Variants in RAB1B observed in about 807,000 individuals in gnomAD.
RAB1B encodes ras-related protein Rab-1B.
RAB1B carries 10 observed loss-of-function variants against 24.8 expected under a neutral mutation model. The observed-to-expected ratio is 0.40, with a 90% CI of 0.25 to 0.68. RAB1B has a LOEUF of 0.68. Among genes scored for constraint, RAB1B ranks in the 30% least tolerant of loss-of-function variants. The pLI, the probability that RAB1B is intolerant of heterozygous loss-of-function variation, is 0.37. For missense variants in RAB1B, 154 were observed against 271.2 expected (o/e 0.57, Z 3.04); for synonymous variants, 99 against 111.7 (o/e 0.89, Z 0.72).
chr11:66,275,124 A>C (rs1040633878), intron 4 of RAB1B, among the ~76,000 whole-genome samples: 1 of 152,164 alleles, frequency 6.6e-6, no homozygotes, highest in Non-Finnish European at 1.5e-5. Flanking sequence ...GGAACATGGC[A>C]AGAGGTCTAA....
Position 66,276,515 on chromosome 11 carries a change from A to C in RAB1B, c.*277A>C. The C allele has an allele frequency of 2.4e-6, 1 of 418,782 alleles. No individual in the cohort carries two copies. Among genetic ancestry groups the C allele is most frequent in the Non-Finnish European group, 4.2e-6 (1 of 236,328 alleles). The allele number at this position is 418,782 out of a possible 1,614,324, so 25.9% of individuals were successfully genotyped here. A position where few individuals can be genotyped will look rare whatever the true frequency, so the allele number is the denominator to read the frequency against. ...GACTTTCCAAGATGCCCCCCTACAC[A>C]CCTTTCTTTGGAACGAGGGCTCTTC... On this transcript the variant is annotated 3_prime_UTR_variant, in exon 6 of 6. Coordinates refer to ENST00000311481, the MANE Select transcript of RAB1B (RefSeq NM_030981.3).
intron 1 of RAB1B, 83 bp downstream of exon 1, chr11:66,268,776 G>A: frequency 7.3e-7 from 1 of 1,374,962 alleles, no homozygotes. Flanking sequence ...GTCTGGCCCG[G>A]GTCAGGACTG....
intron 1 of RAB1B, chr11:66,269,742 T>C (rs1337256872): frequency 6.6e-6 from 1 of 152,258 alleles, no homozygotes; most frequent in African/African-American, 2.4e-5. Flanking sequence ...GGTTTCCTCA[T>C]TAGTTGACAA....
chr11:66,275,508 G>T (rs189422661), intron 4 of RAB1B, among the ~76,000 whole-genome samples: 23 of 152,292 alleles, frequency 1.5e-4, no homozygotes, highest in Admixed American at 4.6e-4. Flanking sequence ...GGGCCTGCAA[G>T]TGTCTCAGGG....
chr11:66,274,905 C>T (rs1857117555), intron 4 of RAB1B, among the ~76,000 whole-genome samples: 1 of 151,986 alleles, frequency 6.6e-6, no homozygotes, highest in South Asian at 2.1e-4. Context: ...CTCTCCTGCA[C>T]AAGGCCAGTT....
intron 4 of RAB1B, among the ~76,000 whole-genome samples, chr11:66,274,967 C>G (rs1857118504): frequency 6.6e-6 from 1 of 151,954 alleles, no homozygotes; most frequent in Non-Finnish European, 1.5e-5. Context: ...CAGAGGTGGT[C>G]TGGGGGCTCC....
chr11:66,268,783 A>T, intron 1 of RAB1B, 90 bp downstream of exon 1: 1 of 1,299,116 alleles, frequency 7.7e-7, no homozygotes, highest in South Asian at 1.7e-5. Context: ...CCGGGTCAGG[A>T]CTGTGCGGCG....
chr11:66,272,123 A>T (rs1385370589), intron 2 of RAB1B, 34 bp from the exon 3 acceptor site: 2 of 1,499,174 alleles, frequency 1.3e-6, no homozygotes, highest in Non-Finnish European at 1.9e-6. Flanking sequence ...CACCTCATTA[A>T]CTCCCATGAT....
At chr11:66,273,250 G>T (rs1857089793) in intron 4 of RAB1B, among the ~76,000 whole-genome samples, 2 of 152,196 alleles carry the variant, frequency 1.3e-5, no homozygotes, top group African/African-American at 2.4e-5. Context: ...TCAGCCGTGG[G>T]CCGGGAAGAG....
At chr11:66,274,273 C>T (rs571475504) in intron 4 of RAB1B, among the ~76,000 whole-genome samples, 4 of 152,260 alleles carry the variant, frequency 2.6e-5, no homozygotes, top group African/African-American at 7.2e-5. Flanking sequence ...ATAATAATAG[C>T]AGTGATGAGG....
intron 4 of RAB1B, among the ~76,000 whole-genome samples, chr11:66,273,805 GTGT>G (rs1857098908): frequency 1.3e-5 from 2 of 152,098 alleles, no homozygotes; most frequent in African/African-American, 4.8e-5. Context: ...GCTTGGAGAG[GTGT>G]TAAGTAACTT....
intron 4 of RAB1B, 27 bp from the exon 5 acceptor site, chr11:66,275,777 A>G (rs1294729942): frequency 6.4e-7 from 1 of 1,556,558 alleles, no homozygotes; most frequent in Admixed American, 1.9e-5. Flanking sequence ...TGGGAGCAAA[A>G]TAACTTTGGC....
Position 66,275,875 on chromosome 11 carries a change from C to G in RAB1B, c.351C>G (p.Leu117=). 1 of 1,606,636 alleles carries G rather than the reference C, an allele frequency of 6.2e-7. No homozygotes were observed. The highest frequency in any genetic ancestry group is 8.5e-7 in the Non-Finnish European group (1 of 1,177,502). Reference sequence around the variant, plus strand: ...ATGCCAGCGAGAACGTCAATAAGCTCCTGGTGGGCAACAAGAGCGACCTCA... The same window carrying G: ...ATGCCAGCGAGAACGTCAATAAGCTGCTGGTGGGCAACAAGAGCGACCTCA... ...DRYASENVNK[L]LVGNKSDLTT... The change falls in exon 5 of 6, where the codon CTC becomes CTG. Residue 117 remains leucine, a synonymous_variant. Coordinates refer to ENST00000311481, the MANE Select transcript of RAB1B (RefSeq NM_030981.3).
At chr11:66,275,973 G>A (rs1162683774) in intron 5 of RAB1B, 38 bp downstream of exon 5, 2 of 1,607,640 alleles carry the variant, frequency 1.2e-6, no homozygotes, top group Non-Finnish European at 1.7e-6. Flanking sequence ...TCGGGGCGCT[G>A]GGGCCTGCTG....
chr11:66,275,720 T>G (rs1158640987), intron 4 of RAB1B, 84 bp from the exon 5 acceptor site: 1 of 1,446,812 alleles, frequency 6.9e-7, no homozygotes, highest in Non-Finnish European at 9.3e-7. Flanking sequence ...AGCTGTACTG[T>G]TCCCCTCAGA....
At chr11:66,272,991 C>A (rs562775971) in intron 4 of RAB1B, among the ~76,000 whole-genome samples, 3 of 152,222 alleles carry the variant, frequency 2.0e-5, no homozygotes, top group Non-Finnish European at 2.9e-5. Context: ...GAAATGGTTC[C>A]ATGAAACCTT....
chr11:66,276,294 A>T lies in RAB1B; in HGVS notation c.*56A>T. ...CACCTTCTCCAGATGATGTCCCTGGAGGGGGCAGGAGGTACCTCCCTCTCC... is the reference window on the plus strand; with the variant it reads ...CACCTTCTCCAGATGATGTCCCTGGTGGGGGCAGGAGGTACCTCCCTCTCC... On this transcript the variant is annotated 3_prime_UTR_variant, in exon 6 of 6. Transcript: ENST00000311481. 1 of 1,457,390 alleles carries T rather than the reference A, an allele frequency of 6.9e-7. No homozygotes were observed. Among genetic ancestry groups the T allele is most frequent in the Non-Finnish European group, 9.1e-7 (1 of 1,097,446 alleles). 90.3% of individuals were successfully genotyped at this position (1,457,390 alleles called of 1,614,324 possible).
At chr11:66,274,056 C>T (rs1401369863) in intron 4 of RAB1B, among the ~76,000 whole-genome samples, 2 of 152,150 alleles carry the variant, frequency 1.3e-5, no homozygotes, top group South Asian at 2.1e-4. Flanking sequence ...CTCATTGTAA[C>T]CTCAACCTCC....
intron 4 of RAB1B, among the ~76,000 whole-genome samples, chr11:66,273,110 G>GC (rs1189749489): frequency 2.0e-5 from 3 of 152,268 alleles, no homozygotes; most frequent in African/African-American, 7.2e-5. Flanking sequence ...GAGGTGACTT[G>GC]CCGAGGGTCC....
Sources: allele counts gnomAD v4.1 joint callset (sites outside exome capture counted in the v4.1 genomes callset), GRCh38; gene constraint gnomAD v4.1.1; transcripts MANE v1.5; gene names NCBI Gene and HGNC (gene_info 2026-07-23, HGNC 2026-07-21).